STK32B: variants seen among roughly 807,000 people sequenced by gnomAD.
The protein encoded by STK32B is serine/threonine-protein kinase 32B.
In STK32B, 43 loss-of-function variants were observed where a neutral mutation model predicts 52.6. The ratio of observed to expected loss-of-function variants is 0.82; its 90% CI spans 0.64 to 1.05. The LOEUF is 1.05. Among genes scored for constraint, STK32B ranks in the 50% least tolerant of loss-of-function variants. The pLI is 0.00. For missense variants in STK32B, 621 were observed against 534.6 expected (o/e 1.16, Z -1.59); for synonymous variants, 238 against 204.3 (o/e 1.17, Z -1.41).
rs188577967 is a variant in STK32B, at chr4:5,494,213, T to G, written c.1107-4732T>G. Reference sequence around the variant, plus strand: ...CTCCCATTATTATTGTGTTGGAGTCTAAGTATCTTTGTGGGTCACTCAGGA... The same window carrying G: ...CTCCCATTATTATTGTGTTGGAGTCGAAGTATCTTTGTGGGTCACTCAGGA... On this transcript the variant is annotated intron_variant, in intron 11 of 11. Transcript: ENST00000282908. Among the ~76,000 whole-genome samples, 11 of 152,316 alleles carry G rather than the reference T, an allele frequency of 7.2e-5. 2 individuals are homozygous for G. The highest frequency in any genetic ancestry group is 2.1e-4 in the South Asian group (1 of 4,830).
chr4:5,442,841 T>G (rs1054570065), intron 6 of STK32B, among the ~76,000 whole-genome samples: 3 of 152,188 alleles, frequency 2.0e-5, no homozygotes. Context: ...CTGTAAAGGA[T>G]TTTATTTCTC....
intron 4 of STK32B, among the ~76,000 whole-genome samples, chr4:5,344,021 C>G (rs1577374349): frequency 1.3e-5 from 2 of 152,290 alleles, no homozygotes; most frequent in Middle Eastern, 3.4e-3. Context: ...GAAGGCTGTT[C>G]AGAGTCTCCA....
chr4:5,493,892 C>A (rs183145676), intron 11 of STK32B, among the ~76,000 whole-genome samples: 10 of 152,294 alleles, frequency 6.6e-5, no homozygotes, highest in South Asian at 4.1e-4. Flanking sequence ...AGTGGTTTTG[C>A]GTTAGTTTCT....
At chr4:5,421,917 A>G (rs1712682636) in intron 6 of STK32B, among the ~76,000 whole-genome samples, 1 of 152,234 alleles carries the variant, frequency 6.6e-6, no homozygotes, top group African/African-American at 2.4e-5. Context: ...TGAAGGAGCC[A>G]GAATTTGAAG....
chr4:5,050,063 C>G (rs1741703635), upstream of STK32B, among the ~76,000 whole-genome samples: 1 of 152,202 alleles, frequency 6.6e-6, no homozygotes, highest in Non-Finnish European at 1.5e-5. Flanking sequence ...GCCCAGAGCC[C>G]ATGCCTGTCC....
At chr4:5,482,340 T>G (rs1718784994) in intron 11 of STK32B, among the ~76,000 whole-genome samples, 1 of 152,200 alleles carries the variant, frequency 6.6e-6, no homozygotes, top group African/African-American at 2.4e-5. Flanking sequence ...TTATTCTCTT[T>G]GAAGCAATTG....
At chr4:5,167,809 A>G (rs934261087) in intron 2 of STK32B, among the ~76,000 whole-genome samples, 1 of 152,200 alleles carries the variant, frequency 6.6e-6, no homozygotes, top group African/African-American at 2.4e-5. Flanking sequence ...AGTGGGCCCT[A>G]CTGGCAAAAG....
intron 3 of STK32B, among the ~76,000 whole-genome samples, chr4:5,177,733 G>A (rs550348012): frequency 2.0e-5 from 3 of 152,286 alleles, no homozygotes; most frequent in Admixed American, 2.0e-4. Flanking sequence ...GGCCAAAACA[G>A]GGGGGCTACA....
At chr4:5,494,672 G>C (rs937865624) in intron 11 of STK32B, among the ~76,000 whole-genome samples, 10 of 152,118 alleles carry the variant, frequency 6.6e-5, no homozygotes, top group East Asian at 1.9e-4. Context: ...TCCTAGCCTC[G>C]ATGGTCTTTA....
chr4:5,071,765 A>G (rs1711793644), intron 1 of STK32B, among the ~76,000 whole-genome samples: 1 of 152,238 alleles, frequency 6.6e-6, no homozygotes, highest in Non-Finnish European at 1.5e-5. Flanking sequence ...TCTTCCAGAA[A>G]ATAACAAATG....
intron 3 of STK32B, among the ~76,000 whole-genome samples, chr4:5,285,316 C>G (rs1281914020): frequency 6.6e-6 from 1 of 151,964 alleles, no homozygotes; most frequent in African/African-American, 2.4e-5. Flanking sequence ...TTAGGGTCAA[C>G]TTTATATAAA....
At chr4:5,020,704 C>T in the STK32B span, among the ~76,000 whole-genome samples, 7 of 150,986 alleles carry the variant, frequency 4.6e-5, no homozygotes, top group African/African-American at 1.5e-4. Context: ...CTCAGGCTGC[C>T]CAAGATCAGG....
At chr4:5,119,229 A>G (rs16836670) in intron 1 of STK32B, among the ~76,000 whole-genome samples, 9,852 of 152,280 alleles carry the variant, frequency 0.065, 1,032 homozygotes, top group African/African-American at 0.22. Context: ...AGCGTTTAGC[A>G]TAATTTCCAC....
chr4:5,185,830 C>G (rs970307868), intron 3 of STK32B, among the ~76,000 whole-genome samples: 37 of 152,196 alleles, frequency 2.4e-4, no homozygotes, highest in Non-Finnish European at 4.1e-4. Flanking sequence ...GAACGTCTTT[C>G]TGTGATCTAG....
intron 6 of STK32B, among the ~76,000 whole-genome samples, chr4:5,430,357 G>A (rs909947367): frequency 1.3e-5 from 2 of 151,982 alleles, no homozygotes; most frequent in African/African-American, 4.8e-5. Flanking sequence ...TAAACCTATT[G>A]GAAGCATTCT....
chr4:5,032,114 G>C, the STK32B span, among the ~76,000 whole-genome samples: 1 of 151,468 alleles, frequency 6.6e-6, no homozygotes, highest in African/African-American at 2.4e-5. Flanking sequence ...CGATATATAG[G>C]TCCTTTGAAA....
intron 4 of STK32B, among the ~76,000 whole-genome samples, chr4:5,358,234 T>C (rs1200470469): frequency 6.6e-6 from 1 of 152,210 alleles, no homozygotes; most frequent in African/African-American, 2.4e-5. Flanking sequence ...AATAGGGACT[T>C]GGGTCGTAAG....
At chr4:5,481,886 G>A (rs147561940) in intron 11 of STK32B, among the ~76,000 whole-genome samples, 2,538 of 152,220 alleles carry the variant, frequency 0.017, 73 homozygotes, top group African/African-American at 0.057. Context: ...TCAAAGATCC[G>A]ATGGTTGTAG....
upstream of STK32B, among the ~76,000 whole-genome samples, chr4:5,048,222 C>T (rs1431801442): frequency 2.0e-5 from 3 of 151,918 alleles, no homozygotes; most frequent in Non-Finnish European, 4.4e-5. Flanking sequence ...CTCCACCTCC[C>T]AGGTTCAAGA....
Sources: gnomAD v4.1 joint callset for allele counts (sites outside exome capture counted in the v4.1 genomes callset) on GRCh38, gnomAD v4.1.1 for gene constraint, MANE v1.5 for transcripts, NCBI Gene and HGNC (gene_info 2026-07-23, HGNC 2026-07-21) for gene names.